The following STKLD1 variants were observed in gnomAD, a reference collection of about 807,000 sequenced individuals.
STKLD1 encodes serine/threonine kinase-like domain-containing protein STKLD1.
A neutral mutation model predicts 80.4 loss-of-function variants in STKLD1; 79 were observed. The ratio of observed to expected loss-of-function variants is 0.98; its 90% CI spans 0.82 to 1.19. STKLD1 has a LOEUF of 1.19. Ranked by LOEUF, STKLD1 falls within the 50% of genes most tolerant of loss-of-function variation. The probability of loss-of-function intolerance (pLI) is 0.00; values close to 1 mark genes in which losing one functional copy is unlikely to be tolerated. For missense variants in STKLD1, 841 were observed against 856.0 expected, an observed-to-expected ratio of 0.98 and a Z score of 0.22; for synonymous variants, 393 against 357.6, an observed-to-expected ratio of 1.10 and a Z score of -1.12.
At chr9:133,397,566 A>G (rs1838594327) in intron 10 of STKLD1, among the ~76,000 whole-genome samples, 1 of 152,060 alleles carries the variant, frequency 6.6e-6, no homozygotes, top group Non-Finnish European at 1.5e-5. Flanking sequence ...CGCTCCTGCT[A>G]CACAAATCCT....
In STKLD1 at chr9:133,394,002, TCCAGGGCACACAGACACA is replaced by T; in HGVS notation, c.584-285_584-268del. 2.5e-6 allele frequency: 1 copy of T among 395,844 alleles called. No homozygotes were observed. Among genetic ancestry groups the T allele is most frequent in the Non-Finnish European group, 4.6e-6 (1 of 217,196 alleles). 24.5% of individuals were successfully genotyped at this position (395,844 alleles called of 1,614,324 possible). On this transcript the variant is annotated intron_variant, in intron 7 of 17. Coordinates refer to ENST00000371957, the MANE Select transcript of STKLD1 (RefSeq NM_153710.5). This position sits in a 1 kb window ranked among gnomAD's most constrained non-coding sequence, Gnocchi z 4.9. Reference sequence around the variant, plus strand: ...CCTCTTCCAACTCCTTCTACAGCCATCCAGGGCACACAGACACACCACCTATATGGGCCAGCCTGGTGG... The same window carrying T: ...CCTCTTCCAACTCCTTCTACAGCCATCCACCTATATGGGCCAGCCTGGTGG...
rs1554778383 is a variant in STKLD1 at position 133,404,810 on chromosome 9, TG to T, written c.1756del (p.Val586CysfsTer51). 1 of 1,612,790 alleles carries T rather than the reference TG, an allele frequency of 6.2e-7. No individual in the cohort carries two copies. The highest frequency in any genetic ancestry group is 1.7e-5 in the Admixed American group (1 of 59,912). On this transcript the variant is annotated frameshift_variant, in exon 17 of 18. Transcript: ENST00000371957. LOFTEE classifies it high-confidence loss of function. ...KVSELAAFKV[V>X]VQEEGGSGLS... is the part of the protein sequence containing the mutation. ...CCAGAGCTGGCGGCCTTCAAGGTGG[TG>T]GTGCAGGAGGAGGGCGGCAGTGGCC...
In STKLD1 at chr9:133,379,062, C is replaced by T. The variant is rs2130259502; in HGVS notation, c.114C>T (p.Ala38=). 1 of 1,613,996 alleles carries T rather than the reference C, an allele frequency of 6.2e-7. No individual in the cohort carries two copies. ...YQVLYQLNPG[A]LGVNLVVEEM... is the part of the protein sequence containing the mutation. ...TTTTGTACCAGCTGAATCCTGGGGC[C>T]TTGGGGGTGAACCTGGTGGTGGAGG... The change falls in exon 2 of 18, where the codon GCC becomes GCT. Residue 38 remains alanine (A), a synonymous_variant. Transcript: ENST00000371957.
rs189900497 is a variant in STKLD1 at position 133,385,923 on chromosome 9, T to G, written c.294+232T>G. Among the ~76,000 whole-genome samples the G allele has an allele frequency of 0.01, 1,404 of 138,604 alleles. 11 individuals are homozygous for G. Among genetic ancestry groups the G allele is most frequent in the African/African-American group, 0.032 (1,202 of 37,914 alleles). The allele number at this position is 138,604 out of a possible 152,430, so 90.9% of individuals were successfully genotyped here. A position where few individuals can be genotyped will look rare whatever the true frequency, so the allele number is the denominator to read the frequency against. The stretch of plus-strand genomic sequence containing the variant: ...CCCAAAAACCTCATCGTCAGGAGAG[T>G]TTTTTTTTTTTTTGGACAAAGTCTC... On this transcript the variant is annotated intron_variant, in intron 4 of 17. Coordinates refer to ENST00000371957, the MANE Select transcript of STKLD1 (RefSeq NM_153710.5). The surrounding 1 kb of genome is among the most constrained non-coding windows in gnomAD (Gnocchi z 4.9).
intron 7 of STKLD1, chr9:133,393,984 C>A: frequency 3.0e-6 from 1 of 334,256 alleles, no homozygotes; most frequent in Non-Finnish European, 5.5e-6. Flanking sequence ...GTGCCTCTTC[C>A]AACTCCTTCT....
chr9:133,405,624 G>A lies in STKLD1; in HGVS notation c.*203G>A, dbSNP rs1371595104. ...GCTCCTGGACCCGGGGACTGTCCAC[G>A]AAAACTGACTTGCCTGCTTCCTCCT... On this transcript the variant is annotated 3_prime_UTR_variant, in exon 18 of 18. Transcript: ENST00000371957. 12 of 472,416 alleles carry A rather than the reference G, an allele frequency of 2.5e-5. No homozygotes were observed. The highest frequency in any genetic ancestry group is 1.3e-4 in the Admixed American group (3 of 23,786). 29.3% of individuals were successfully genotyped at this position (472,416 alleles called of 1,614,324 possible).
intron 11 of STKLD1, among the ~76,000 whole-genome samples, chr9:133,399,793 C>T (rs187163240): frequency 4.6e-5 from 7 of 151,536 alleles, no homozygotes; most frequent in Admixed American, 4.6e-4. Context: ...GCAGGAGAAT[C>T]GCTTGAACCC....
At chr9:133,397,743 A>G (rs967114537) in intron 10 of STKLD1, among the ~76,000 whole-genome samples, 1 of 152,048 alleles carries the variant, frequency 6.6e-6, no homozygotes, top group Non-Finnish European at 1.5e-5. Context: ...GCGCTCCATC[A>G]TCTGTGTGCT....
At position 133,394,236 on chromosome 9, in the gene STKLD1, C is replaced by A; in HGVS notation, c.584-55C>A. ...TGCTGGGCAGGGTGACTCTGTCAAGCCCCTGCCCCCAGGGAGCAAAGGACT... is the reference window on the plus strand; with the variant it reads ...TGCTGGGCAGGGTGACTCTGTCAAGACCCTGCCCCCAGGGAGCAAAGGACT... On this transcript the variant is annotated intron_variant, in intron 7 of 17. Transcript: ENST00000371957. This position sits in a 1 kb window ranked among gnomAD's most constrained non-coding sequence, Gnocchi z 4.9. The A allele has an allele frequency of 8.1e-7, 1 of 1,233,386 alleles. No homozygotes were observed. The highest frequency in any genetic ancestry group is 1.2e-6 in the Non-Finnish European group (1 of 833,478). The allele number at this position is 1,233,386 out of a possible 1,614,324, so 76.4% of individuals were successfully genotyped here.
At chr9:133,387,710 C>G (rs1358067259) in intron 5 of STKLD1, 162 bp downstream of exon 5, 1 of 704,368 alleles carries the variant, frequency 1.4e-6, no homozygotes, top group African/African-American at 1.7e-5. Context: ...GTAATGTGTG[C>G]AGATCTTAAG....
At chr9:133,383,224 GGTGATGATA>G (rs1315102388) in intron 2 of STKLD1, among the ~76,000 whole-genome samples, 1 of 150,374 alleles carries the variant, frequency 6.7e-6, no homozygotes, top group Non-Finnish European at 1.5e-5. Flanking sequence ...TGGTGGTGAT[GGTGATGATA>G]GTGATGATGG....
chr9:133,377,232 T>G (rs1837999045), intron 1 of STKLD1, among the ~76,000 whole-genome samples: 1 of 151,496 alleles, frequency 6.6e-6, no homozygotes, highest in South Asian at 2.1e-4. Flanking sequence ...TAAAAAAAAA[T>G]AGACGTTTCA....
intron 9 of STKLD1, among the ~76,000 whole-genome samples, chr9:133,396,262 T>C (rs781928856): frequency 4.0e-5 from 6 of 151,898 alleles, no homozygotes; most frequent in South Asian, 4.2e-4. Flanking sequence ...GCGAAACCCC[T>C]GTCTCTACGA....
intron 11 of STKLD1, among the ~76,000 whole-genome samples, chr9:133,398,848 TG>T (rs1554777114): frequency 2.0e-5 from 3 of 151,766 alleles, no homozygotes; most frequent in African/African-American, 7.3e-5. Context: ...TTTTTGTTTT[TG>T]TTTGTTTGTT....
At position 133,376,431 on chromosome 9, in the gene STKLD1, G is replaced by A; in HGVS notation, c.-43G>A. 2.0e-6 allele frequency: 3 copies of A among 1,514,404 alleles called. No homozygotes were observed. Among genetic ancestry groups the A allele is most frequent in the East Asian group, 2.7e-5 (1 of 37,590 alleles). 93.8% of individuals were successfully genotyped at this position (1,514,404 alleles called of 1,614,324 possible). ...GGGTCCCACTGACCCACGCGGGGTG[G>A]GGCCAGGGGTGGACGCTCGCCCGTA... On this transcript the variant is annotated 5_prime_UTR_variant, in exon 1 of 18. Transcript: ENST00000371957.
chr9:133,402,584 C>T (rs1279128864), intron 13 of STKLD1, among the ~76,000 whole-genome samples: 1 of 152,244 alleles, frequency 6.6e-6, no homozygotes, highest in Non-Finnish European at 1.5e-5. Context: ...CACAGGCTGG[C>T]TCTGTGAGCC....
chr9:133,394,238 C>A lies in STKLD1; in HGVS notation c.584-53C>A. The A allele has an allele frequency of 7.8e-7, 1 of 1,282,486 alleles. No homozygotes were observed. The highest frequency in any genetic ancestry group is 1.2e-5 in the South Asian group (1 of 84,414). 79.4% of individuals were successfully genotyped at this position (1,282,486 alleles called of 1,614,324 possible). A position where few individuals can be genotyped will look rare whatever the true frequency, so the allele number is the denominator to read the frequency against. On this transcript the variant is annotated intron_variant, in intron 7 of 17. Coordinates refer to ENST00000371957, the MANE Select transcript of STKLD1 (RefSeq NM_153710.5). The surrounding 1 kb of genome is among the most constrained non-coding windows in gnomAD (Gnocchi z 4.9). ...CTGGGCAGGGTGACTCTGTCAAGCCCCTGCCCCCAGGGAGCAAAGGACTCA... is the reference window on the plus strand; with the variant it reads ...CTGGGCAGGGTGACTCTGTCAAGCCACTGCCCCCAGGGAGCAAAGGACTCA...
At chr9:133,380,582 G>A (rs1372958129) in intron 2 of STKLD1, among the ~76,000 whole-genome samples, 1 of 152,118 alleles carries the variant, frequency 6.6e-6, no homozygotes, top group African/African-American at 2.4e-5. Context: ...GAACCCGGGC[G>A]GCGGAGGTTG....
chr9:133,401,143 CTTT>C (rs5901013), intron 12 of STKLD1, among the ~76,000 whole-genome samples: 7 of 137,982 alleles, frequency 5.1e-5, no homozygotes, highest in Admixed American at 7.2e-5. Flanking sequence ...TATTTAGTTA[CTTT>C]TTTTTTTTTT....
Sources: gnomAD v4.1 joint callset for allele counts (sites outside exome capture counted in the v4.1 genomes callset) on GRCh38, gnomAD v4.1.1 for gene constraint, Gnocchi (gnomAD v3.1) non-coding constraint, MANE v1.5 for transcripts, NCBI Gene and HGNC (gene_info 2026-07-23, HGNC 2026-07-21) for gene names.